The following FNBP1 variants were observed in gnomAD, a reference collection of about 807,000 sequenced individuals.
The protein encoded by FNBP1 is formin binding protein 1.
A neutral mutation model predicts 90.6 loss-of-function variants in FNBP1; 26 were observed. The observed-to-expected ratio is 0.29, with a 90% confidence interval of 0.21 to 0.40. The LOEUF (loss-of-function observed/expected upper bound fraction) is 0.40, where lower values mean the gene tolerates loss of function less well. Ranked by LOEUF, FNBP1 falls within the 10% of genes least tolerant of loss-of-function variation. The pLI is 1.00. For missense variants in FNBP1, 635 were observed against 768.0 expected, an observed-to-expected ratio of 0.83 and a Z score of 2.05; for synonymous variants, 260 against 265.2, an observed-to-expected ratio of 0.98 and a Z score of 0.19.
intron 4 of FNBP1, among the ~76,000 whole-genome samples, chr9:129,968,330 G>A (rs1322553562): frequency 6.6e-6 from 1 of 150,684 alleles, no homozygotes; most frequent in African/African-American, 2.5e-5. Flanking sequence ...GGGAGGCAGA[G>A]GTTGCAGTGA....
chr9:129,962,498 T>A (rs1218645567), intron 4 of FNBP1, among the ~76,000 whole-genome samples: 1 of 152,154 alleles, frequency 6.6e-6, no homozygotes, highest in Non-Finnish European at 1.5e-5. Context: ...CCGTACCTCG[T>A]CAGAACCTAG....
rs749307726 is a variant in FNBP1, at chr9:130,041,129, G to A, written c.24+1823C>T. Among the ~76,000 whole-genome samples, 6 of 151,062 alleles carry A rather than the reference G, an allele frequency of 4.0e-5. No homozygotes were observed. The highest frequency in any genetic ancestry group is 1.3e-4 in the Admixed American group (2 of 15,126). On this transcript the variant is annotated intron_variant, in intron 1 of 16. Coordinates refer to ENST00000446176, the MANE Select transcript of FNBP1 (RefSeq NM_015033.3). This position sits in a 1 kb window ranked among gnomAD's most constrained non-coding sequence, Gnocchi z 4.3. ...TGGCAATATAGGCCTGAGCCACTGCGCCCGGCCTCTCTCATTTATTTTCAA... is the reference window on the plus strand; with the variant it reads ...TGGCAATATAGGCCTGAGCCACTGCACCCGGCCTCTCTCATTTATTTTCAA...
At chr9:129,904,880 A>G (rs2037681267) in intron 12 of FNBP1, among the ~76,000 whole-genome samples, 2 of 152,232 alleles carry the variant, frequency 1.3e-5, no homozygotes, top group African/African-American at 4.8e-5. Flanking sequence ...TCCTTGGCAC[A>G]TAGTAGATGC....
chr9:129,895,910 G>A lies in FNBP1; in HGVS notation c.1774C>T (p.Arg592Trp), dbSNP rs760309443. The A allele has an allele frequency of 5.6e-6, 9 of 1,613,392 alleles. No homozygotes were observed. Among genetic ancestry groups the A allele is most frequent in the African/African-American group, 1.3e-5 (1 of 74,786 alleles). The change falls in exon 16 of 17, where the codon CGG (arginine) becomes TGG (tryptophan). Residue 592 changes from arginine (R) to tryptophan (W), a missense_variant. Physicochemically the swap from Arg to Trp is moderately radical, Grantham distance 101. Coordinates refer to ENST00000446176, the MANE Select transcript of FNBP1 (RefSeq NM_015033.3). ...EDKGDGWTRIRRNEDEEGYVP... is the reference protein window; with the variant it reads ...EDKGDGWTRIWRNEDEEGYVP... ...TAACCCTCTTCATCTTCATTTCTCCGAATGCGGGTCCAGCCATCGCCTTTG... is the reference window on the plus strand; with the variant it reads ...TAACCCTCTTCATCTTCATTTCTCCAAATGCGGGTCCAGCCATCGCCTTTG...
intron 12 of FNBP1, among the ~76,000 whole-genome samples, chr9:129,905,041 A>C (rs2037714339): frequency 6.6e-6 from 1 of 152,044 alleles, no homozygotes; most frequent in Non-Finnish European, 1.5e-5. Context: ...AAACATGACA[A>C]GCCAAGTGTA....
In FNBP1 at chr9:130,008,960, G is replaced by C. The variant is rs567805340; in HGVS notation, c.25-14002C>G. 3.3e-5 allele frequency among the ~76,000 whole-genome samples: 5 copies of C among 152,256 alleles called. 1 individual carries two copies. In the East Asian group the frequency reaches 7.7e-4, roughly 23 times the overall value. ...CACTCTAAATACCAGGGAGAACTTT[G>C]AATGCAATCCAAAGACTAAAGAAGA... On this transcript the variant is annotated intron_variant, in intron 1 of 16. Coordinates refer to ENST00000446176, the MANE Select transcript of FNBP1 (RefSeq NM_015033.3).
chr9:129,975,561 CATT>C (rs1342656373), intron 4 of FNBP1, among the ~76,000 whole-genome samples: 1 of 152,038 alleles, frequency 6.6e-6, no homozygotes, highest in East Asian at 1.9e-4. Context: ...AAAAAGTCAT[CATT>C]AACAGTGAGT....
chr9:129,900,411 G>A lies in FNBP1; in HGVS notation c.1550+15C>T, dbSNP rs745482274. 8.4e-6 allele frequency: 13 copies of A among 1,555,812 alleles called. No homozygotes were observed. In the South Asian group the frequency reaches 1.3e-4, roughly 16 times the overall value. ...GGCTCCCTTGCCAGAGGCAGGCGCT[G>A]TGCAGATACTGTACCTCTCACGGTC... On this transcript the variant is annotated intron_variant, in intron 14 of 16. Coordinates refer to ENST00000446176, the MANE Select transcript of FNBP1 (RefSeq NM_015033.3). The surrounding 1 kb of genome is among the most constrained non-coding windows in gnomAD (Gnocchi z 4.1).
At chr9:129,941,112 G>C (rs552593353) in intron 6 of FNBP1, among the ~76,000 whole-genome samples, 2 of 152,284 alleles carry the variant, frequency 1.3e-5, no homozygotes, top group Admixed American at 1.3e-4. Context: ...GTCAAGGCCG[G>C]GTGTGGTGGC....
At chr9:129,984,243 G>A (rs138308502) in intron 2 of FNBP1, among the ~76,000 whole-genome samples, 2 of 152,006 alleles carry the variant, frequency 1.3e-5, no homozygotes, top group East Asian at 1.9e-4. Flanking sequence ...AAAAATAAAA[G>A]CCAGGGAAAA....
intron 2 of FNBP1, among the ~76,000 whole-genome samples, chr9:129,991,910 C>G (rs2053227540): frequency 6.6e-6 from 1 of 152,196 alleles, no homozygotes; most frequent in Non-Finnish European, 1.5e-5. Context: ...CCGCCCGCCT[C>G]AGCCTCCCAA....
chr9:129,895,761 G>C (rs2296792), intron 16 of FNBP1, 77 bp downstream of exon 16: 24,831 of 1,447,498 alleles, frequency 0.017, 274 homozygotes, highest in East Asian at 0.024. Context: ...GCCTGTAACA[G>C]TCATGGTTGT....
intron 12 of FNBP1, among the ~76,000 whole-genome samples, chr9:129,907,607 GT>G (rs2038377139): frequency 1.3e-5 from 2 of 151,536 alleles, no homozygotes; most frequent in Non-Finnish European, 2.9e-5. Flanking sequence ...GTGTGTGTGT[GT>G]GTGTGTGTGT....
chr9:130,002,117 C>A (rs1366326852), intron 1 of FNBP1, among the ~76,000 whole-genome samples: 1 of 149,548 alleles, frequency 6.7e-6, no homozygotes, highest in African/African-American at 2.5e-5. Flanking sequence ...TCGCTTGAAC[C>A]TGCGGAGGTT....
At chr9:129,997,140 C>T (rs1428370478) in intron 1 of FNBP1, among the ~76,000 whole-genome samples, 1 of 151,922 alleles carries the variant, frequency 6.6e-6, no homozygotes, top group Non-Finnish European at 1.5e-5. Context: ...GCCTGGACAA[C>T]ATGGTGAAAT....
intron 6 of FNBP1, among the ~76,000 whole-genome samples, chr9:129,944,041 T>C (rs1331922109): frequency 2.0e-5 from 3 of 146,938 alleles, no homozygotes; most frequent in South Asian, 2.2e-4. Flanking sequence ...TTCACACAAG[T>C]TGGCATGCTA....
rs2058759680 is a variant in FNBP1 at position 130,031,044 on chromosome 9, A to G, written c.24+11908T>C. Reference sequence around the variant, plus strand: ...CAGGGAACATGCCTCCCCCTTGAACATCTTGAAGTGGGAGGAGGCAGAGGG... The same window carrying G: ...CAGGGAACATGCCTCCCCCTTGAACGTCTTGAAGTGGGAGGAGGCAGAGGG... On this transcript the variant is annotated intron_variant, in intron 1 of 16. Transcript: ENST00000446176. The surrounding 1 kb of genome is among the most constrained non-coding windows in gnomAD (Gnocchi z 4.2). Among the ~76,000 whole-genome samples the G allele has an allele frequency of 6.6e-6, 1 of 152,142 alleles. No individual in the cohort carries two copies. Among genetic ancestry groups the G allele is most frequent in the Non-Finnish European group, 1.5e-5 (1 of 68,020 alleles).
chr9:129,928,984 A>C (rs2042322916), intron 7 of FNBP1, among the ~76,000 whole-genome samples: 1 of 152,092 alleles, frequency 6.6e-6, no homozygotes, highest in Non-Finnish European at 1.5e-5. Flanking sequence ...CCATCTACTT[A>C]GGAGGCTGAA....
intron 6 of FNBP1, among the ~76,000 whole-genome samples, chr9:129,952,739 A>T (rs79463043): frequency 0.013 from 1,915 of 152,264 alleles, 18 homozygotes; most frequent in Middle Eastern, 0.024. Flanking sequence ...TACAATTCTA[A>T]ACTTCATTTG....
Sources: gnomAD v4.1 joint callset for allele counts (sites outside exome capture counted in the v4.1 genomes callset) on GRCh38, gnomAD v4.1.1 for gene constraint, Gnocchi (gnomAD v3.1) non-coding constraint, MANE v1.5 for transcripts, NCBI Gene and HGNC (gene_info 2026-07-23, HGNC 2026-07-21) for gene names.